The following KATNBL1 variants were observed in gnomAD, a reference collection of about 807,000 sequenced individuals.
KATNBL1 encodes the protein katanin regulatory subunit B1 like 1, also known as KATNB1-like protein 1.
Under a neutral mutation model 44.7 loss-of-function variants are expected in KATNBL1, and 28 were observed. That is an observed-to-expected ratio of 0.63 (90% CI 0.46 to 0.86). KATNBL1 has a LOEUF of 0.86. KATNBL1 is among the 40% of genes least tolerant of loss of function. The pLI, the probability that KATNBL1 is intolerant of heterozygous loss-of-function variation, is 0.00. For synonymous variants in KATNBL1, 78 were observed against 114.9 expected, an observed-to-expected ratio of 0.68 and a Z score of 2.06; for missense variants, 272 against 350.7, an observed-to-expected ratio of 0.78 and a Z score of 1.79.
intron 1 of KATNBL1, among the ~76,000 whole-genome samples, chr15:34,193,149 G>A (rs778244560): frequency 1.3e-5 from 2 of 148,886 alleles, no homozygotes; most frequent in African/African-American, 2.5e-5. Context: ...CCCGGGAGGC[G>A]GAGCTTGCAG....
intron 1 of KATNBL1, among the ~76,000 whole-genome samples, chr15:34,191,182 T>C (rs1016466938): frequency 7.5e-6 from 1 of 133,692 alleles, no homozygotes; most frequent in African/African-American, 2.8e-5. Flanking sequence ...TATATATATA[T>C]ATATATTTGG....
At chr15:34,185,198 G>C (rs947388606) in intron 1 of KATNBL1, among the ~76,000 whole-genome samples, 1 of 151,472 alleles carries the variant, frequency 6.6e-6, no homozygotes, top group African/African-American at 2.4e-5. Context: ...TCAAACTCCT[G>C]GGCTGAAGAG....
rs148468137 is a variant in KATNBL1 at position 34,158,991 on chromosome 15, C to T, written c.118-4307G>A. On this transcript the variant is annotated intron_variant, in intron 2 of 9. Coordinates refer to ENST00000256544, the MANE Select transcript of KATNBL1 (RefSeq NM_024713.3). ...CAGTCAGGAAACCTGCTGGGTTAAG[C>T]GAATTATCAGTGGTTAGTGTTAAAT... Among the ~76,000 whole-genome samples, 148 of 152,224 alleles carry T rather than the reference C, an allele frequency of 9.7e-4. 1 individual carries two copies. The highest frequency in any genetic ancestry group is 6.6e-3 in the East Asian group (34 of 5,178).
intron 1 of KATNBL1, among the ~76,000 whole-genome samples, chr15:34,180,794 G>A (rs1013281870): frequency 6.6e-6 from 1 of 152,044 alleles, no homozygotes; most frequent in African/African-American, 2.4e-5. Flanking sequence ...AGGGCACAGT[G>A]GCTCACACCT....
intron 1 of KATNBL1, among the ~76,000 whole-genome samples, chr15:34,199,140 A>T (rs1227507489): frequency 6.6e-6 from 1 of 152,186 alleles, no homozygotes; most frequent in Non-Finnish European, 1.5e-5. Context: ...TATTCCTATT[A>T]AGAAAACAGA....
chr15:34,145,405 A>G lies in KATNBL1; in HGVS notation c.875T>C (p.Ile292Thr), dbSNP rs773614519. Reference protein sequence around the residue: ...LTLVPGYTGNIAKDVDAYLLQ... With the variant: ...LTLVPGYTGNTAKDVDAYLLQ... ...AGCTTAAATATAGATTACCTTAGCT[A>G]TATTACCAGTATATCCTGGAACCAA... Residue 292 changes from isoleucine (I) to threonine (T), a missense_variant, in exon 9 of 10, where the codon ATA becomes ACA. Physicochemically the swap from Ile to Thr is moderately conservative, Grantham distance 89. This residue lies in a region of KATNBL1 where 39 missense variants were observed against 76.3 expected (regional missense o/e 0.51). Coordinates refer to ENST00000256544, the MANE Select transcript of KATNBL1 (RefSeq NM_024713.3). 1 of 1,454,812 alleles carries G rather than the reference A, an allele frequency of 6.9e-7. No homozygotes were observed. Among genetic ancestry groups the G allele is most frequent in the East Asian group, 2.6e-5 (1 of 38,670 alleles). 90.1% of individuals were successfully genotyped at this position (1,454,812 alleles called of 1,614,324 possible).
chr15:34,143,793 C>CAAAAA (rs560420668), intron 9 of KATNBL1, among the ~76,000 whole-genome samples: 2 of 64,178 alleles, frequency 3.1e-5, no homozygotes, highest in Non-Finnish European at 5.9e-5. Context: ...ACTAAAAATA[C>CAAAAA]AAAAAAAAAA....
At chr15:34,182,321 T>A (rs985861460) in intron 1 of KATNBL1, among the ~76,000 whole-genome samples, 9 of 152,156 alleles carry the variant, frequency 5.9e-5, no homozygotes, top group Non-Finnish European at 1.0e-4. Flanking sequence ...CAAAATGAGA[T>A]TACACGTAAG....
At chr15:34,184,729 T>C (rs984953321) in intron 1 of KATNBL1, among the ~76,000 whole-genome samples, 2 of 151,370 alleles carry the variant, frequency 1.3e-5, no homozygotes, top group Non-Finnish European at 2.9e-5. Flanking sequence ...CCCGCCACCA[T>C]GCCCGGCTAA....
intron 1 of KATNBL1, among the ~76,000 whole-genome samples, chr15:34,192,592 C>T (rs1012928808): frequency 6.6e-6 from 1 of 151,982 alleles, no homozygotes; most frequent in East Asian, 1.9e-4. Context: ...TGACTGTATA[C>T]GAAATCGACT....
chr15:34,208,933 CAA>C (rs1890362037), intron 1 of KATNBL1: 1 of 152,200 alleles, frequency 6.6e-6, no homozygotes, highest in African/African-American at 2.4e-5. Context: ...CTGTACGGTA[CAA>C]AAGTTACAAT....
At chr15:34,199,932 G>A (rs112088891) in intron 1 of KATNBL1, 18,120 of 152,178 alleles carry the variant, frequency 0.12, 1,181 homozygotes, top group Non-Finnish European at 0.15. Flanking sequence ...TCCCTTATTT[G>A]ACCCCGCCCA....
At chr15:34,150,886 T>C (rs1888448888) in intron 4 of KATNBL1, among the ~76,000 whole-genome samples, 1 of 152,190 alleles carries the variant, frequency 6.6e-6, no homozygotes, top group Non-Finnish European at 1.5e-5. Context: ...CCTGTATTAG[T>C]TCGCTTAGGA....
chr15:34,149,155 T>A (rs1195994305), intron 4 of KATNBL1, among the ~76,000 whole-genome samples: 3 of 152,238 alleles, frequency 2.0e-5, no homozygotes, highest in African/African-American at 7.2e-5. Flanking sequence ...TATTGTTAAG[T>A]AATGAAGTGT....
intron 7 of KATNBL1, 67 bp from the exon 8 acceptor site, chr15:34,146,917 A>G: frequency 9.9e-7 from 1 of 1,012,400 alleles, no homozygotes. Flanking sequence ...AAAAGATGAT[A>G]CTTTCCCTCC....
intron 1 of KATNBL1, among the ~76,000 whole-genome samples, chr15:34,192,522 T>C (rs570390295): frequency 2.1e-4 from 32 of 152,196 alleles, no homozygotes; most frequent in Non-Finnish European, 3.5e-4. Context: ...TGCTCTGCAA[T>C]GATACAGAGA....
chr15:34,154,851 G>A, intron 2 of KATNBL1, 167 bp from the exon 3 acceptor site: 1 of 605,106 alleles, frequency 1.7e-6, no homozygotes. Context: ...GGGAGGAGAA[G>A]GGGTTCTTAT....
At chr15:34,207,554 G>A (rs1276233394) in intron 1 of KATNBL1, among the ~76,000 whole-genome samples, 1 of 152,064 alleles carries the variant, frequency 6.6e-6, no homozygotes, top group African/African-American at 2.4e-5. Flanking sequence ...GCCCAGGCTG[G>A]TCTCAAACTT....
intron 1 of KATNBL1, among the ~76,000 whole-genome samples, chr15:34,201,346 G>A (rs534236920): frequency 5.6e-4 from 86 of 152,242 alleles, no homozygotes; most frequent in Non-Finnish European, 1.8e-4. Context: ...TGTCTGTGAG[G>A]GACTACTTGT....
Sources: gnomAD v4.1 joint callset for allele counts (sites outside exome capture counted in the v4.1 genomes callset) on GRCh38, gnomAD v4.1.1 for gene constraint, gnomAD v4.1.1 regional missense constraint, MANE v1.5 for transcripts, NCBI Gene and HGNC (gene_info 2026-07-23, HGNC 2026-07-21) for gene names.